MAP4K4: variants seen among roughly 807,000 people sequenced by gnomAD.
MAP4K4 encodes mitogen-activated protein kinase kinase kinase kinase 4.
A neutral mutation model predicts 189.6 loss-of-function variants in MAP4K4; 38 were observed. That is an observed-to-expected ratio of 0.20 (90% CI 0.15 to 0.26). MAP4K4 has a LOEUF of 0.26. Among genes scored for constraint, MAP4K4 ranks in the 10% least tolerant of loss-of-function variants. The pLI is 1.00. For synonymous variants in MAP4K4, 610 were observed against 624.3 expected, an observed-to-expected ratio of 0.98 and a Z score of 0.34; for missense variants, 1,054 against 1,726.9, an observed-to-expected ratio of 0.61 and a Z score of 6.91.
At position 101,829,603 on chromosome 2, in the gene MAP4K4, T is replaced by C. The variant is rs1277386439; in HGVS notation, c.508+9T>C. ...TGCAGAGGTGAAACTTGGTATGTAA[T>C]GGATGTGCGGCGTGATCTCATAATT... On this transcript the variant is annotated intron_variant, in intron 6 of 32. Transcript: ENST00000324219. 5 of 1,597,928 alleles carry C rather than the reference T, an allele frequency of 3.1e-6. No individual in the cohort carries two copies. The highest frequency in any genetic ancestry group is 4.3e-6 in the Non-Finnish European group (5 of 1,168,976).
At chr2:101,751,849 G>A (rs1254306629) in intron 2 of MAP4K4, among the ~76,000 whole-genome samples, 1 of 152,164 alleles carries the variant, frequency 6.6e-6, no homozygotes. Context: ...TCCCATTTAC[G>A]TATACACTGG....
rs868606985 is a variant in MAP4K4 at position 101,698,219 on chromosome 2, C to A, written c.57+82C>A. 7.6e-4 allele frequency: 455 copies of A among 596,710 alleles called. 4 individuals carry two copies. The highest frequency in any genetic ancestry group is 2.5e-3 in the Admixed American group (39 of 15,446). 37.0% of individuals were successfully genotyped at this position (596,710 alleles called of 1,614,324 possible). Reference sequence around the variant, plus strand: ...GGGCCGCGCCCAGGTCGGCCGGGCGCTCGGGCGCCGCCGTGGGCAGAGCCG... The same window carrying A: ...GGGCCGCGCCCAGGTCGGCCGGGCGATCGGGCGCCGCCGTGGGCAGAGCCG... On this transcript the variant is annotated intron_variant, in intron 1 of 32. Coordinates refer to ENST00000324219, the Ensembl canonical transcript of MAP4K4.
intron 3 of MAP4K4, among the ~76,000 whole-genome samples, chr2:101,809,867 TA>T (rs1457818674): frequency 6.6e-6 from 1 of 152,260 alleles, no homozygotes; most frequent in Non-Finnish European, 1.5e-5. Context: ...ACATCTGGTC[TA>T]AAGATGTAGT....
chr2:101,790,603 G>T, intron 2 of MAP4K4, 117 bp from the exon 3 acceptor site: 1 of 721,576 alleles, frequency 1.4e-6, no homozygotes. Context: ...ATCACTTTTG[G>T]TTAGTCAGAG....
intron 26 of MAP4K4, among the ~76,000 whole-genome samples, chr2:101,874,729 T>C (rs1172329182): frequency 2.0e-5 from 3 of 152,228 alleles, no homozygotes; most frequent in Non-Finnish European, 4.4e-5. Flanking sequence ...GCTTGTAATT[T>C]CCAAGTACTT....
chr2:101,840,975 T>A (rs1336340211), intron 10 of MAP4K4, among the ~76,000 whole-genome samples: 2 of 152,196 alleles, frequency 1.3e-5, no homozygotes, highest in East Asian at 3.8e-4. Context: ...AAAACAAGAC[T>A]TTTTTTCCTT....
intron 2 of MAP4K4, among the ~76,000 whole-genome samples, chr2:101,736,426 G>C (rs1432532640): frequency 6.6e-6 from 1 of 152,150 alleles, no homozygotes; most frequent in African/African-American, 2.4e-5. Flanking sequence ...GCTGGGTCCT[G>C]GTCATGAATA....
intron 20 of MAP4K4, 188 bp downstream of exon 20, chr2:101,867,497 A>G: frequency 3.6e-6 from 2 of 561,998 alleles, no homozygotes; most frequent in Non-Finnish European, 6.3e-6. Flanking sequence ...CTTTCCCTGT[A>G]TAAAGTCTCA....
exon 14 of MAP4K4, chr2:101,859,010 A>G: frequency 6.2e-7 from 1 of 1,612,314 alleles, no homozygotes; most frequent in Admixed American, 1.7e-5. Context: ...ATATCAGGCG[A>G]CAGCTAGAAG....
intron 2 of MAP4K4, among the ~76,000 whole-genome samples, chr2:101,754,812 G>A (rs2071438166): frequency 6.6e-6 from 1 of 152,176 alleles, no homozygotes; most frequent in Non-Finnish European, 1.5e-5. Flanking sequence ...AGCGAGAAAG[G>A]CTTTTTTTGC....
chr2:101,729,319 T>G (rs1239656306), intron 2 of MAP4K4, among the ~76,000 whole-genome samples: 2 of 152,170 alleles, frequency 1.3e-5, no homozygotes, highest in African/African-American at 4.8e-5. Flanking sequence ...TACAATCTAT[T>G]TGTGTGCAGT....
intron 2 of MAP4K4, among the ~76,000 whole-genome samples, chr2:101,706,710 C>A (rs536929176): frequency 6.6e-6 from 1 of 152,180 alleles, no homozygotes; most frequent in African/African-American, 2.4e-5. Context: ...CTGGACCTGG[C>A]ATGTAGCTAT....
chr2:101,811,683 T>A, intron 3 of MAP4K4, among the ~76,000 whole-genome samples: 1 of 152,114 alleles, frequency 6.6e-6, no homozygotes, highest in Admixed American at 6.6e-5. Flanking sequence ...CCACATGGTG[T>A]TTGCTATGAA....
At chr2:101,799,127 G>T (rs1174074482) in intron 3 of MAP4K4, among the ~76,000 whole-genome samples, 1 of 152,120 alleles carries the variant, frequency 6.6e-6, no homozygotes, top group Non-Finnish European at 1.5e-5. Context: ...AGCCTCCTAG[G>T]CAGTTAACCT....
At chr2:101,766,391 G>T (rs2078638172) in intron 2 of MAP4K4, among the ~76,000 whole-genome samples, 1 of 152,152 alleles carries the variant, frequency 6.6e-6, no homozygotes, top group African/African-American at 2.4e-5. Flanking sequence ...TATGATAAGC[G>T]TTATCATAAA....
chr2:101,706,553 A>G (rs1333699225), intron 2 of MAP4K4, among the ~76,000 whole-genome samples: 2 of 152,220 alleles, frequency 1.3e-5, no homozygotes, highest in African/African-American at 2.4e-5. Context: ...AGGTATAACA[A>G]ATGCCTAACA....
At chr2:101,824,135 A>AGG in intron 4 of MAP4K4, 82 bp downstream of exon 4, 1 of 67,420 alleles carries the variant, frequency 1.5e-5, no homozygotes, top group South Asian at 3.6e-4. Flanking sequence ...GGCGGGGGAA[A>AGG]GAGGGGGGGA....
chr2:101,811,772 C>T (rs867320823), intron 3 of MAP4K4, among the ~76,000 whole-genome samples: 5 of 152,152 alleles, frequency 3.3e-5, no homozygotes, highest in Non-Finnish European at 7.3e-5. Context: ...TTAAAATCTG[C>T]CAAGGAAAGT....
At chr2:101,844,843 C>T (rs577102881) in intron 12 of MAP4K4, among the ~76,000 whole-genome samples, 65 of 151,858 alleles carry the variant, frequency 4.3e-4, no homozygotes, top group Admixed American at 3.7e-3. Flanking sequence ...ACCTAGGTGA[C>T]GGGTTGACAG....
Sources: allele counts gnomAD v4.1 joint callset (sites outside exome capture counted in the v4.1 genomes callset), GRCh38; gene constraint gnomAD v4.1.1; transcripts MANE v1.5; gene names NCBI Gene and HGNC (gene_info 2026-07-23, HGNC 2026-07-21).